Variants in PLCD3 observed in about 807,000 individuals in gnomAD.
PLCD3 encodes 1-phosphatidylinositol 4,5-bisphosphate phosphodiesterase delta-3.
Under a neutral mutation model 82.8 loss-of-function variants are expected in PLCD3, and 62 were observed. That is an observed-to-expected ratio of 0.75 (90% confidence interval 0.61 to 0.93). The LOEUF (loss-of-function observed/expected upper bound fraction) is 0.93, where lower values mean the gene tolerates loss of function less well. PLCD3 is among the 40% of genes least tolerant of loss of function. The pLI is 0.00. For missense variants in PLCD3, 1,023 were observed against 1,103.4 expected, an observed-to-expected ratio of 0.93 and a Z score of 1.03; for synonymous variants, 478 against 471.8, an observed-to-expected ratio of 1.01 and a Z score of -0.17.
At chr17:45,123,940 C>G (rs888619950) in intron 1 of PLCD3, among the ~76,000 whole-genome samples, 2 of 141,282 alleles carry the variant, frequency 1.4e-5, no homozygotes, top group Non-Finnish European at 3.0e-5. Context: ...ACGTGCCAGG[C>G]CGAGGGGCTC....
chr17:45,127,013 C>T (rs2054386768), intron 1 of PLCD3, among the ~76,000 whole-genome samples: 2 of 152,244 alleles, frequency 1.3e-5, no homozygotes, highest in Admixed American at 6.5e-5. Flanking sequence ...ACAGCCAGGT[C>T]GGCACCCGGT....
rs1410987847 is a variant in PLCD3, at chr17:45,113,497, G to C, written c.1937C>G (p.Pro646Arg). Residue 646 changes from proline (P) to arginine (R), a missense_variant, in exon 12 of 15, where the codon CCT (proline) becomes CGT (arginine). Coordinates refer to ENST00000619929, the MANE Select transcript of PLCD3 (RefSeq NM_133373.5). ...YVLKPACLRQ[P>R]DSTFDPEYPG... The stretch of plus-strand genomic sequence containing the variant: ...GTACTCGGGGTCAAAGGTCGAGTCA[G>C]GTTGCCGCAGGCAGGCAGGTTTTAG... 1.3e-6 allele frequency: 2 copies of C among 1,590,260 alleles called. No individual in the cohort carries two copies.
At chr17:45,115,659 C>T (rs2143554125) in intron 8 of PLCD3, 169 bp from the exon 9 acceptor site, 1 of 626,306 alleles carries the variant, frequency 1.6e-6, no homozygotes, top group Non-Finnish European at 2.8e-6. Context: ...GAGAATGGCC[C>T]GGGAGGCCAT....
Position 45,115,264 on chromosome 17 carries a change from G to A in PLCD3, c.1561-20C>T, listed in dbSNP as rs747906651. On this transcript the variant is annotated intron_variant, in intron 9 of 14. Coordinates refer to ENST00000619929, the MANE Select transcript of PLCD3 (RefSeq NM_133373.5). ...CTTGGCCTAGGAGACCAGGCTCAGC[G>A]GGGTTCAGCTGGCCCCCGCTTCCCA... 7.1e-6 allele frequency: 11 copies of A among 1,542,702 alleles called. No homozygotes were observed. The highest frequency in any genetic ancestry group is 4.1e-5 in the African/African-American group (3 of 73,664).
chr17:45,121,961 A>AC (rs201846046), intron 1 of PLCD3, among the ~76,000 whole-genome samples: 24 of 150,096 alleles, frequency 1.6e-4, no homozygotes, highest in African/African-American at 5.4e-4. Flanking sequence ...CGTCTTAACA[A>AC]AAAAAAAAAA....
chr17:45,131,765 A>G (rs1252741120), intron 1 of PLCD3, among the ~76,000 whole-genome samples: 1 of 152,218 alleles, frequency 6.6e-6, no homozygotes, highest in African/African-American at 2.4e-5. Context: ...GTCCTGCCAG[A>G]GCAGTGTGGC....
chr17:45,113,293 C>G, intron 12 of PLCD3, 36 bp from the exon 13 acceptor site: 2 of 1,570,274 alleles, frequency 1.3e-6, no homozygotes, highest in Non-Finnish European at 1.7e-6. Context: ...GGGCCCACGC[C>G]CACCTTGGCC....
At chr17:45,119,739 A>AATT (rs2054321526) in intron 4 of PLCD3, among the ~76,000 whole-genome samples, 1 of 152,110 alleles carries the variant, frequency 6.6e-6, no homozygotes, top group African/African-American at 2.4e-5. Context: ...AGTCAATGAG[A>AATT]ATTCATGGAG....
chr17:45,128,732 A>G (rs1036601135), intron 1 of PLCD3, among the ~76,000 whole-genome samples: 1 of 152,218 alleles, frequency 6.6e-6, no homozygotes, highest in Admixed American at 6.5e-5. Flanking sequence ...AATCCAGGAC[A>G]CCCGTTAAAT....
In PLCD3 at chr17:45,120,386, T is replaced by C. The variant is rs1015128380; in HGVS notation, c.623A>G (p.Lys208Arg). 11 of 1,614,012 alleles carry C rather than the reference T, an allele frequency of 6.8e-6. No homozygotes were observed. Among genetic ancestry groups the C allele is most frequent in the Non-Finnish European group, 8.5e-6 (10 of 1,179,872 alleles). ...CACGTTGACCATTCTCAGCAGGCTC[T>C]TGATCTCCTTGAAGCTCATCTTGCT... The part of the protein sequence containing the change: ...QDSKMSFKEI[K>R]SLLRMVNVDM... The change falls in exon 4 of 15, where the codon AAG (lysine) becomes AGG (arginine). Residue 208 changes from lysine to arginine, a missense_variant. Around this residue, in one of 3 missense-constraint regions of PLCD3, gnomAD observed 448 missense variants for 406.3 expected, o/e 1.10. Coordinates refer to ENST00000619929, the MANE Select transcript of PLCD3 (RefSeq NM_133373.5).
rs1158002352 is a variant in PLCD3, at chr17:45,132,365, G to C, written c.46C>G (p.Pro16Ala). 1 of 1,229,610 alleles carries C rather than the reference G, an allele frequency of 8.1e-7. No homozygotes were observed. The highest frequency in any genetic ancestry group is 1.6e-5 in the African/African-American group (1 of 64,346). 76.2% of individuals were successfully genotyped at this position (1,229,610 alleles called of 1,614,324 possible). A position where few individuals can be genotyped will look rare whatever the true frequency, so the allele number is the denominator to read the frequency against. ...WRRCRRPPEEPPVAAQVAAQV... is the reference protein window; with the variant it reads ...WRRCRRPPEEAPVAAQVAAQV... ...GCTGCGACCTGGGCGGCCACCGGGGGCTCCTCGGGCGGGCGGCGGCAACGC... is the reference window on the plus strand; with the variant it reads ...GCTGCGACCTGGGCGGCCACCGGGGCCTCCTCGGGCGGGCGGCGGCAACGC... The change falls in exon 1 of 15, where the codon CCC (proline) becomes GCC (alanine). Residue 16 changes from proline (P) to alanine (A), a missense_variant. This residue lies in a region of PLCD3 where 22 missense variants were observed against 41.3 expected (regional missense o/e 0.53). Coordinates refer to ENST00000619929, the MANE Select transcript of PLCD3 (RefSeq NM_133373.5). This position sits in a 1 kb window ranked among gnomAD's most constrained non-coding sequence, Gnocchi z 4.6.
chr17:45,120,572 C>A, intron 3 of PLCD3, 118 bp from the exon 4 acceptor site: 2 of 1,375,408 alleles, frequency 1.5e-6, no homozygotes, highest in Non-Finnish European at 2.0e-6. Flanking sequence ...GCTGTACTTT[C>A]CCCTTGGCCT....
chr17:45,118,671 C>A lies in PLCD3; in HGVS notation c.913+144G>T. The A allele has an allele frequency of 9.0e-7, 1 of 1,106,346 alleles. No homozygotes were observed. The highest frequency in any genetic ancestry group is 1.3e-6 in the Non-Finnish European group (1 of 785,052). The allele number at this position is 1,106,346 out of a possible 1,614,324, so 68.5% of individuals were successfully genotyped here. On this transcript the variant is annotated intron_variant, in intron 5 of 14. Transcript: ENST00000619929. This position sits in a 1 kb window ranked among gnomAD's most constrained non-coding sequence, Gnocchi z 4.1. Reference sequence around the variant, plus strand: ...CCTGGGAGGAAGACAAACTGTTGTGCCATTTTACACATGTGGAAGCTGAGT... The same window carrying A: ...CCTGGGAGGAAGACAAACTGTTGTGACATTTTACACATGTGGAAGCTGAGT...
Position 45,110,937 on chromosome 17 carries a change from G to C in PLCD3, c.*1679C>G, listed in dbSNP as rs926349746. 1 of 152,244 alleles carries C rather than the reference G, an allele frequency of 6.6e-6. No individual in the cohort carries two copies. Among genetic ancestry groups the C allele is most frequent in the Non-Finnish European group, 1.5e-5 (1 of 68,054 alleles). The allele number at this position is 152,244 out of a possible 1,614,324, so 9.4% of individuals were successfully genotyped here. The stretch of plus-strand genomic sequence containing the variant: ...TTGGAGTTGCTAGAAGGTGGAGTCT[G>C]CCCCAGCCCTGTGTTTTGGTTTCTG... On this transcript the variant is annotated 3_prime_UTR_variant, in exon 15 of 15. Transcript: ENST00000619929.
intron 8 of PLCD3, 114 bp downstream of exon 8, chr17:45,116,518 G>T: frequency 8.5e-7 from 1 of 1,171,122 alleles, no homozygotes; most frequent in Non-Finnish European, 1.2e-6. Flanking sequence ...ACAGAGAAAA[G>T]TTAAGGCAGC....
rs1473076502 is a variant in PLCD3, at chr17:45,109,233, A to AC, written c.*3382dup. The AC allele has an allele frequency of 6.6e-6, 1 of 152,150 alleles. No individual in the cohort carries two copies. Among genetic ancestry groups the AC allele is most frequent in the Non-Finnish European group, 1.5e-5 (1 of 68,058 alleles). 9.4% of individuals were successfully genotyped at this position (152,150 alleles called of 1,614,324 possible). On this transcript the variant is annotated 3_prime_UTR_variant, in exon 15 of 15. Transcript: ENST00000619929. ...ACCCGCCAGAGACGAGCTGCTATTG[A>AC]CCCAGGTTCACTCCAAGTTAGAGCA...
chr17:45,119,682 C>T (rs564266432), intron 4 of PLCD3, among the ~76,000 whole-genome samples: 28 of 152,358 alleles, frequency 1.8e-4, no homozygotes, highest in African/African-American at 5.8e-4. Context: ...TAGGTGGACA[C>T]GTTACTATCC....
In PLCD3 at chr17:45,118,933, G is replaced by A. The variant is rs367927766; in HGVS notation, c.795C>T (p.Gly265=). 1 of 1,612,458 alleles carries A rather than the reference G, an allele frequency of 6.2e-7. No homozygotes were observed. The highest frequency in any genetic ancestry group is 8.5e-7 in the Non-Finnish European group (1 of 1,179,660). The change falls in exon 5 of 15, where the codon GGC becomes GGT. Residue 265 remains glycine, a synonymous_variant. Transcript: ENST00000619929. The surrounding 1 kb of genome is among the most constrained non-coding windows in gnomAD (Gnocchi z 4.1). ...ELEEIFHQYS[G]EDRVLSAPEL... ...CAGGGGCACTCAGCACGCGGTCCTC[G>A]CCCGAGTACTGATGGAAGATCTCCT...
chr17:45,110,414 A>G lies in PLCD3; in HGVS notation c.*2202T>C, dbSNP rs1381572258. 1 of 149,660 alleles carries G rather than the reference A, an allele frequency of 6.7e-6. No homozygotes were observed. Among genetic ancestry groups the G allele is most frequent in the East Asian group, 2.0e-4 (1 of 4,968 alleles). 9.3% of individuals were successfully genotyped at this position (149,660 alleles called of 1,614,324 possible). A position where few individuals can be genotyped will look rare whatever the true frequency, so the allele number is the denominator to read the frequency against. ...AGCCGAGATCACGCCATCGCACTCC[A>G]TCCTGGGGGACGAGCAAGACTTTGT... On this transcript the variant is annotated 3_prime_UTR_variant, in exon 15 of 15. Coordinates refer to ENST00000619929, the MANE Select transcript of PLCD3 (RefSeq NM_133373.5).
Sources: gnomAD v4.1 joint callset for allele counts (sites outside exome capture counted in the v4.1 genomes callset) on GRCh38, gnomAD v4.1.1 for gene constraint, gnomAD v4.1.1 regional missense constraint, Gnocchi (gnomAD v3.1) non-coding constraint, MANE v1.5 for transcripts, NCBI Gene and HGNC (gene_info 2026-07-23, HGNC 2026-07-21) for gene names.